The following CDH13 variants were observed in gnomAD, a reference collection of about 807,000 sequenced individuals.
CDH13 encodes the protein cadherin 13, also known as cadherin-13.
A neutral mutation model predicts 63.8 loss-of-function variants in CDH13; 24 were observed. The observed-to-expected ratio is 0.38, with a 90% confidence interval of 0.27 to 0.53. The LOEUF (loss-of-function observed/expected upper bound fraction) is 0.53, where lower values mean the gene tolerates loss of function less well. Among genes scored for constraint, CDH13 ranks in the 20% least tolerant of loss-of-function variants. The pLI, the probability that CDH13 is intolerant of heterozygous loss-of-function variation, is 0.85. For missense variants in CDH13, 1,049 were observed against 903.1 expected (o/e 1.16, Z -2.07); for synonymous variants, 503 against 355.3 (o/e 1.42, Z -4.67).
chr16:82,954,105 C>G (rs1905693872), intron 2 of CDH13: 1 of 152,044 alleles, frequency 6.6e-6, no homozygotes, highest in African/African-American at 2.4e-5. Context: ...GAAGGCAACA[C>G]CAGGATGCAC....
chr16:82,796,255 C>A (rs557756651), intron 1 of CDH13, among the ~76,000 whole-genome samples: 16 of 152,274 alleles, frequency 1.1e-4, no homozygotes, highest in Non-Finnish European at 1.9e-4. Context: ...TCTCTACTGA[C>A]CCCTATGGAT....
intron 6 of CDH13, among the ~76,000 whole-genome samples, chr16:83,437,908 C>A (rs1378674553): frequency 6.6e-6 from 1 of 152,038 alleles, no homozygotes; most frequent in Non-Finnish European, 1.5e-5. Flanking sequence ...CCAGTTATCG[C>A]CCAACTCTCT....
At chr16:83,620,339 C>CGAG (rs1292931677) in intron 8 of CDH13, among the ~76,000 whole-genome samples, 1 of 145,262 alleles carries the variant, frequency 6.9e-6, no homozygotes, top group African/African-American at 2.5e-5. Context: ...TGCAATGAGC[C>CGAG]GAGATCGCAC....
intron 2 of CDH13, among the ~76,000 whole-genome samples, chr16:82,883,846 A>G (rs995561240): frequency 3.3e-5 from 5 of 152,194 alleles, no homozygotes; most frequent in African/African-American, 1.2e-4. Context: ...TTAGGGCTTA[A>G]TGAACATAAC....
intron 2 of CDH13, among the ~76,000 whole-genome samples, chr16:82,907,807 C>G (rs1446037296): frequency 2.6e-5 from 4 of 152,184 alleles, no homozygotes; most frequent in African/African-American, 9.7e-5. Context: ...TGAGTGAGCA[C>G]TCTGTTCCCA....
intron 10 of CDH13, among the ~76,000 whole-genome samples, chr16:83,718,739 G>T (rs1161794267): frequency 2.0e-5 from 3 of 152,136 alleles, no homozygotes; most frequent in African/African-American, 4.8e-5. Context: ...TTTTTTCAGG[G>T]TCTTATCAGC....
At chr16:83,102,602 G>C (rs1295165983) in intron 3 of CDH13, among the ~76,000 whole-genome samples, 4 of 152,148 alleles carry the variant, frequency 2.6e-5, no homozygotes, top group Non-Finnish European at 5.9e-5. Flanking sequence ...AAGCAGAGGA[G>C]GGACATCACC....
chr16:83,492,747 G>C (rs949825353), intron 7 of CDH13, among the ~76,000 whole-genome samples: 1 of 152,168 alleles, frequency 6.6e-6, no homozygotes, highest in Admixed American at 6.5e-5. Context: ...ATGGGGATTG[G>C]TGGGAGGGTT....
intron 6 of CDH13, among the ~76,000 whole-genome samples, chr16:83,391,191 A>G (rs994865353): frequency 7.3e-5 from 11 of 149,988 alleles, no homozygotes; most frequent in Non-Finnish European, 1.3e-4. Flanking sequence ...CATTCATAAG[A>G]TGTTAACCTG....
At chr16:83,326,484 C>T (rs776876721) in intron 5 of CDH13, among the ~76,000 whole-genome samples, 18 of 147,776 alleles carry the variant, frequency 1.2e-4, no homozygotes, top group Non-Finnish European at 1.9e-4. Flanking sequence ...TATGGGAGTA[C>T]AATATTTGTT....
At chr16:83,066,405 A>G (rs536488346) in intron 3 of CDH13, among the ~76,000 whole-genome samples, 1 of 152,282 alleles carries the variant, frequency 6.6e-6, no homozygotes, top group Admixed American at 6.5e-5. Flanking sequence ...GAAAAGTCCT[A>G]AACAAAAGGC....
At chr16:83,380,841 T>G (rs1421450240) in intron 6 of CDH13, among the ~76,000 whole-genome samples, 1 of 151,950 alleles carries the variant, frequency 6.6e-6, no homozygotes, top group Non-Finnish European at 1.5e-5. Context: ...GTTTTTTTTT[T>G]TTTTTCCTTT....
intron 1 of CDH13, among the ~76,000 whole-genome samples, chr16:82,763,812 A>T (rs1294100854): frequency 6.6e-6 from 1 of 152,126 alleles, no homozygotes; most frequent in Non-Finnish European, 1.5e-5. Context: ...CCTCCCCAGT[A>T]GCTGGGACTA....
At chr16:83,577,719 C>A (rs1196209353) in intron 7 of CDH13, among the ~76,000 whole-genome samples, 9 of 152,146 alleles carry the variant, frequency 5.9e-5, no homozygotes, top group Admixed American at 5.2e-4. Context: ...TGTGATACAT[C>A]CCCCTCGAAA....
chr16:83,405,109 C>T (rs371085628), intron 6 of CDH13, among the ~76,000 whole-genome samples: 7 of 150,930 alleles, frequency 4.6e-5, no homozygotes, highest in African/African-American at 1.7e-4. Context: ...CTGTCATTTT[C>T]TGAAGTCCCA....
chr16:82,758,697 G>T (rs1046736323), intron 1 of CDH13, among the ~76,000 whole-genome samples: 2 of 152,158 alleles, frequency 1.3e-5, no homozygotes, highest in African/African-American at 4.8e-5. Flanking sequence ...GTAAATGTAG[G>T]CACTTTCTTC....
intron 4 of CDH13, among the ~76,000 whole-genome samples, chr16:83,216,095 C>T (rs2039499430): frequency 6.6e-6 from 1 of 151,832 alleles, no homozygotes; most frequent in African/African-American, 2.4e-5. Context: ...CCTTGTCTGC[C>T]TGCTGCCTTT....
intron 7 of CDH13, among the ~76,000 whole-genome samples, chr16:83,569,343 G>A (rs1904356512): frequency 6.6e-6 from 1 of 152,138 alleles, no homozygotes; most frequent in African/African-American, 2.4e-5. Flanking sequence ...CCAGTTGATT[G>A]ACAGATTGTC....
intron 2 of CDH13, among the ~76,000 whole-genome samples, chr16:82,893,470 G>A (rs953922356): frequency 1.3e-5 from 2 of 152,228 alleles, no homozygotes; most frequent in African/African-American, 4.8e-5. Flanking sequence ...ATCTACAAGT[G>A]TGATCAGTTT....
Sources: gnomAD v4.1 joint callset for allele counts (sites outside exome capture counted in the v4.1 genomes callset) on GRCh38, gnomAD v4.1.1 for gene constraint, MANE v1.5 for transcripts, NCBI Gene and HGNC (gene_info 2026-07-23, HGNC 2026-07-21) for gene names.